Variants in GLIS1 observed in about 807,000 individuals in gnomAD.
GLIS1 encodes zinc finger protein GLIS1.
In GLIS1, 24 loss-of-function variants were observed where a neutral mutation model predicts 63.8. The observed-to-expected ratio is 0.38, with a 90% CI of 0.27 to 0.53. GLIS1 has a LOEUF of 0.53. Ranked by LOEUF, GLIS1 falls within the 20% of genes least tolerant of loss-of-function variation. The probability of loss-of-function intolerance (pLI) is 0.85; values close to 1 mark genes in which losing one functional copy is unlikely to be tolerated. For missense variants in GLIS1, 1,036 were observed against 1,074.1 expected (o/e 0.96, Z 0.50); for synonymous variants, 450 against 482.5 (o/e 0.93, Z 0.88).
At chr1:53,718,778 C>T (rs989651308) in intron 2 of GLIS1, among the ~76,000 whole-genome samples, 11 of 152,156 alleles carry the variant, frequency 7.2e-5, no homozygotes, top group African/African-American at 1.9e-4. Flanking sequence ...AAACAATCCC[C>T]GAGACACTTT....
intron 4 of GLIS1, among the ~76,000 whole-genome samples, chr1:53,570,336 G>A (rs1029390092): frequency 6.6e-6 from 1 of 151,880 alleles, no homozygotes; most frequent in Non-Finnish European, 1.5e-5. Context: ...TGCCCAGACT[G>A]GTCTCAAACT....
chr1:53,556,891 G>A (rs919362384), intron 4 of GLIS1, among the ~76,000 whole-genome samples: 6 of 148,276 alleles, frequency 4.0e-5, no homozygotes, highest in Admixed American at 3.4e-4. Context: ...ATGTGTGTGT[G>A]CAGGTGTACT....
chr1:53,545,680 T>C (rs900576933), intron 4 of GLIS1, among the ~76,000 whole-genome samples: 5 of 152,258 alleles, frequency 3.3e-5, no homozygotes, highest in African/African-American at 9.6e-5. Flanking sequence ...CTCTACTTTC[T>C]ACTTCTTTAC....
At chr1:53,725,125 C>A (rs1362556296) in intron 2 of GLIS1, among the ~76,000 whole-genome samples, 1 of 152,116 alleles carries the variant, frequency 6.6e-6, no homozygotes, top group Non-Finnish European at 1.5e-5. Context: ...TGCAGACTTG[C>A]TGAAAGAGGA....
chr1:53,619,110 C>T lies in GLIS1; in HGVS notation c.260-18832G>A, dbSNP rs374409781. ...TGGACCAGACCTCTGCCTCTCCCTCCTCTGGCCCCAGCATTTGGACTCTTC... is the reference window on the plus strand; with the variant it reads ...TGGACCAGACCTCTGCCTCTCCCTCTTCTGGCCCCAGCATTTGGACTCTTC... On this transcript the variant is annotated intron_variant, in intron 2 of 10. Coordinates refer to ENST00000628545, the MANE Select transcript of GLIS1 (RefSeq NM_001367484.1). Among the ~76,000 whole-genome samples the T allele has an allele frequency of 2.0e-5, 3 of 152,372 alleles. No individual in the cohort carries two copies. In the South Asian group the frequency reaches 6.2e-4, roughly 32 times the overall value.
At chr1:53,602,393 C>T (rs1645327719) in intron 2 of GLIS1, among the ~76,000 whole-genome samples, 1 of 152,132 alleles carries the variant, frequency 6.6e-6, no homozygotes, top group Non-Finnish European at 1.5e-5. Flanking sequence ...CCATTAATAG[C>T]ATTTGGAGCA....
intron 2 of GLIS1, among the ~76,000 whole-genome samples, chr1:53,696,382 C>T (rs1247808704): frequency 6.6e-6 from 1 of 152,176 alleles, no homozygotes; most frequent in Non-Finnish European, 1.5e-5. Context: ...ATATTGCCTC[C>T]TTCATTAAGG....
intron 8 of GLIS1, among the ~76,000 whole-genome samples, chr1:53,513,644 C>A (rs1249950448): frequency 6.6e-6 from 1 of 152,186 alleles, no homozygotes; most frequent in African/African-American, 2.4e-5. Context: ...CACCACTGGC[C>A]CCCTGTGTGG....
intron 7 of GLIS1, among the ~76,000 whole-genome samples, chr1:53,516,326 C>A (rs1644352487): frequency 1.3e-5 from 2 of 152,188 alleles, no homozygotes; most frequent in South Asian, 4.2e-4. Flanking sequence ...GCTAGCTCAT[C>A]CCAGGCTGGC....
intron 4 of GLIS1, among the ~76,000 whole-genome samples, chr1:53,533,631 A>T (rs560961673): frequency 2.0e-5 from 3 of 152,336 alleles, no homozygotes; most frequent in African/African-American, 7.2e-5. Context: ...CTGCCCCATC[A>T]GGACTGGTCT....
intron 4 of GLIS1, among the ~76,000 whole-genome samples, chr1:53,551,485 C>T (rs572757899): frequency 2.6e-5 from 4 of 152,270 alleles, no homozygotes; most frequent in Admixed American, 2.0e-4. Context: ...CCACTCCCTT[C>T]CTCTCACCAA....
intron 6 of GLIS1, 136 bp from the exon 7 acceptor site, chr1:53,520,902 A>C: frequency 1.1e-6 from 1 of 940,514 alleles, no homozygotes; most frequent in African/African-American, 1.7e-5. Flanking sequence ...TCAGTTCCCC[A>C]TCTGTGAAAT....
intron 2 of GLIS1, among the ~76,000 whole-genome samples, chr1:53,715,631 C>G (rs754752189): frequency 4.6e-5 from 7 of 152,068 alleles, no homozygotes; most frequent in Non-Finnish European, 7.4e-5. Flanking sequence ...GCAGTGTGCA[C>G]AGGTTCAGGA....
At chr1:53,632,450 T>A (rs1258803031) in intron 2 of GLIS1, among the ~76,000 whole-genome samples, 1 of 130,630 alleles carries the variant, frequency 7.7e-6, no homozygotes, top group East Asian at 2.5e-4. Context: ...GTGTAATGAG[T>A]GTGACTGGGG....
In GLIS1 at chr1:53,664,889, G is replaced by A. The variant is rs117803233; in HGVS notation, c.260-64611C>T. ...AGGCAAAGGGACCAAAAAGTGCAAA[G>A]GCCCTGGGGCAAGAGCACAGATGGT... is the stretch of plus-strand genomic sequence containing the variant. On this transcript the variant is annotated intron_variant, in intron 2 of 10. Coordinates refer to ENST00000628545, the MANE Select transcript of GLIS1 (RefSeq NM_001367484.1). 2.4e-3 allele frequency among the ~76,000 whole-genome samples: 362 copies of A among 152,272 alleles called. 7 individuals carry two copies. The East Asian group carries it at 0.055, about 23-fold the overall frequency.
chr1:53,665,588 G>A (rs1025460792), intron 2 of GLIS1, among the ~76,000 whole-genome samples: 2 of 152,112 alleles, frequency 1.3e-5, no homozygotes, highest in African/African-American at 4.8e-5. Context: ...GTTCGATGCT[G>A]CAGTGAGCTA....
intron 4 of GLIS1, among the ~76,000 whole-genome samples, chr1:53,565,929 A>C (rs1644932899): frequency 6.6e-6 from 1 of 152,130 alleles, no homozygotes; most frequent in African/African-American, 2.4e-5. Context: ...AAAGACAAAA[A>C]ATTTTGAATT....
In GLIS1 at chr1:53,509,206, C is replaced by T; in HGVS notation, c.2144G>A (p.Gly715Glu). ...GTGGGTCTCCCCGACCAGTCCGTCC[C>T]CACCGGCTGCTGGTTCAGCCATCCG... ...CYRMAEPAAG[G>E]DGLVGETHGF... Residue 715 changes from glycine (G) to glutamate (E), a missense_variant, in exon 10 of 11, where the codon GGG becomes GAG. Physicochemically the swap from Gly to Glu is moderately conservative, Grantham distance 98 (BLOSUM62 -2). Transcript: ENST00000628545. The T allele has an allele frequency of 6.3e-7, 1 of 1,598,150 alleles. No individual in the cohort carries two copies. The highest frequency in any genetic ancestry group is 8.5e-7 in the Non-Finnish European group (1 of 1,173,016).
At chr1:53,735,083 A>T (rs1243331221) in intron 2 of GLIS1, among the ~76,000 whole-genome samples, 7 of 152,144 alleles carry the variant, frequency 4.6e-5, no homozygotes, top group Admixed American at 3.9e-4. Flanking sequence ...CTGCTTAGGG[A>T]CTGTCTGAGG....
Sources: gnomAD v4.1 joint callset for allele counts (sites outside exome capture counted in the v4.1 genomes callset) on GRCh38, gnomAD v4.1.1 for gene constraint, MANE v1.5 for transcripts, NCBI Gene and HGNC (gene_info 2026-07-23, HGNC 2026-07-21) for gene names.